The following CCNH variants were observed in gnomAD, a reference collection of about 807,000 sequenced individuals.
CCNH encodes the protein cyclin H.
In CCNH, 31 loss-of-function variants were observed where a neutral mutation model predicts 41.9. That is an observed-to-expected ratio of 0.74 (90% CI 0.56 to 1.00). CCNH has a LOEUF of 1.00. CCNH is among the 50% of genes least tolerant of loss of function. The probability of loss-of-function intolerance (pLI) is 0.00; values close to 1 mark genes in which losing one functional copy is unlikely to be tolerated. For synonymous variants in CCNH, 138 were observed against 136.1 expected, an observed-to-expected ratio of 1.01 and a Z score of -0.10; for missense variants, 362 against 388.4, an observed-to-expected ratio of 0.93 and a Z score of 0.57.
intron 9 of CCNH, chr5:87,341,460 C>G: frequency 2.3e-6 from 1 of 441,560 alleles, no homozygotes. Flanking sequence ...GAACTGATTT[C>G]TAAATATTTT....
chr5:87,326,712 T>C (rs892087826), intron 9 of CCNH, among the ~76,000 whole-genome samples: 6 of 152,154 alleles, frequency 3.9e-5, no homozygotes, highest in Non-Finnish European at 8.8e-5. Context: ...GGGAAAAGAA[T>C]GGGGGCTCTT....
chr5:87,321,371 G>C (rs1756789930), intron 9 of CCNH, among the ~76,000 whole-genome samples: 1 of 152,138 alleles, frequency 6.6e-6, no homozygotes, highest in African/African-American at 2.4e-5. Context: ...ATTCATTTCT[G>C]TCACTACCTA....
chr5:87,390,766 T>A, downstream of CCNH: 1 of 1,560,118 alleles, frequency 6.4e-7, no homozygotes, highest in Non-Finnish European at 8.8e-7. Context: ...GACCGAGCTT[T>A]CATTTATTTT....
chr5:87,407,544 T>C (rs1763890804), intron 4 of CCNH, among the ~76,000 whole-genome samples: 1 of 152,198 alleles, frequency 6.6e-6, no homozygotes, highest in South Asian at 2.1e-4. Context: ...TTCACAAACC[T>C]CTAAAAATAT....
chr5:87,389,372 A>G, downstream of CCNH: 1 of 1,613,784 alleles, frequency 6.2e-7, no homozygotes, highest in African/African-American at 1.3e-5. Flanking sequence ...TTCTAAATGC[A>G]ATTTTACGAT....
chr5:87,313,399 G>A, the CCNH span, among the ~76,000 whole-genome samples: 10 of 152,138 alleles, frequency 6.6e-5, no homozygotes, highest in Non-Finnish European at 1.2e-4. Context: ...AAAGAGGAAG[G>A]AGAGGTGAGA....
intron 9 of CCNH, among the ~76,000 whole-genome samples, chr5:87,326,119 G>T (rs1225282385): frequency 6.6e-6 from 1 of 152,086 alleles, no homozygotes; most frequent in Non-Finnish European, 1.5e-5. Context: ...TCATAGGTAT[G>T]TGCCACCATG....
chr5:87,338,517 ATATATATATATATATAAAATT>A (rs1468971188), intron 9 of CCNH, among the ~76,000 whole-genome samples: 5 of 99,302 alleles, frequency 5.0e-5, no homozygotes, highest in African/African-American at 1.9e-4. Context: ...ATATATATAT[ATATATATATATATATAAAATT>A]TTTTTTTTTT....
intron 9 of CCNH, among the ~76,000 whole-genome samples, chr5:87,358,093 A>G (rs1759790232): frequency 1.3e-5 from 2 of 152,210 alleles, no homozygotes; most frequent in South Asian, 2.1e-4. Context: ...CAAATTGATT[A>G]GTTAGCAAAT....
chr5:87,344,493 T>C (rs1758701337), intron 9 of CCNH, among the ~76,000 whole-genome samples: 1 of 152,002 alleles, frequency 6.6e-6, no homozygotes, highest in African/African-American at 2.4e-5. Flanking sequence ...AGCATGTAGG[T>C]CTTCAAATTC....
At chr5:87,328,438 C>A (rs998009933) in intron 9 of CCNH, among the ~76,000 whole-genome samples, 1 of 152,016 alleles carries the variant, frequency 6.6e-6, no homozygotes, top group Non-Finnish European at 1.5e-5. Flanking sequence ...AATATGTTTT[C>A]TTGTATTTCT....
At chr5:87,401,829 T>G (rs1413536280) in intron 5 of CCNH, 57 bp from the exon 6 acceptor site, 2 of 1,054,426 alleles carry the variant, frequency 1.9e-6, no homozygotes, top group African/African-American at 3.2e-5. Context: ...TGAGAAAACA[T>G]GACATCATAA....
At chr5:87,393,699 G>A (rs1378797832), downstream of CCNH, 3 of 152,154 alleles carry the variant, frequency 2.0e-5, no homozygotes, top group Non-Finnish European at 4.4e-5. Flanking sequence ...GGTGATGTGT[G>A]CCTGTAGTCC....
At position 87,407,241 on chromosome 5, in the gene CCNH, C is replaced by T. The variant is rs3093793; in HGVS notation, c.525+735G>A. On this transcript the variant is annotated intron_variant, in intron 4 of 8. Transcript: ENST00000256897. ...ATCTCCCTCTAAAATATATTTTCCC[C>T]TCTGTATCATTGAGCACACTGGATA... Among the ~76,000 whole-genome samples the T allele has an allele frequency of 9.2e-3, 1,401 of 152,218 alleles. 27 individuals carry two copies. Among genetic ancestry groups the T allele is most frequent in the African/African-American group, 0.031 (1,301 of 41,544 alleles).
chr5:87,345,830 G>T (rs1331033214), intron 9 of CCNH, among the ~76,000 whole-genome samples: 1 of 152,048 alleles, frequency 6.6e-6, no homozygotes, highest in Non-Finnish European at 1.5e-5. Context: ...ACCCTAAGAA[G>T]ATCCCACAAA....
chr5:87,410,141 T>C (rs934845208), intron 2 of CCNH, among the ~76,000 whole-genome samples: 3 of 152,200 alleles, frequency 2.0e-5, no homozygotes, highest in Admixed American at 6.5e-5. Flanking sequence ...TATTTTATGA[T>C]AGAAAAAAGA....
At position 87,412,494 on chromosome 5, in the gene CCNH, G is replaced by A. The variant is rs1580472948; in HGVS notation, c.117+184C>T. On this transcript the variant is annotated intron_variant, in intron 1 of 8. Transcript: ENST00000256897. The stretch of plus-strand genomic sequence containing the variant: ...TGTCTGCCATTCGACGACGGGGATG[G>A]CGTTGTTCGTCTTTGTACCCACGGA... 3 of 1,425,328 alleles carry A rather than the reference G, an allele frequency of 2.1e-6. No individual in the cohort carries two copies. The East Asian group carries it at 7.6e-5, about 36-fold the overall frequency. The allele number at this position is 1,425,328 out of a possible 1,614,324, so 88.3% of individuals were successfully genotyped here.
chr5:87,379,689 T>C (rs1324241310), upstream of CCNH: 2 of 1,601,328 alleles, frequency 1.2e-6, no homozygotes, highest in East Asian at 2.3e-5. Context: ...TCATTTGCAT[T>C]TGTCATTGCC....
At chr5:87,410,405 G>GA (rs906719312) in intron 2 of CCNH, among the ~76,000 whole-genome samples, 7 of 151,146 alleles carry the variant, frequency 4.6e-5, no homozygotes, top group Admixed American at 2.0e-4. Context: ...CATCTCAGAT[G>GA]AAAAAAAATT....
Sources: allele counts gnomAD v4.1 joint callset (sites outside exome capture counted in the v4.1 genomes callset), GRCh38; gene constraint gnomAD v4.1.1; transcripts MANE v1.5; gene names NCBI Gene and HGNC (gene_info 2026-07-23, HGNC 2026-07-21).